MICAL2: variants seen among roughly 807,000 people sequenced by gnomAD.
MICAL2 encodes the protein microtubule associated monooxygenase, calponin and LIM domain containing 2.
Under a neutral mutation model 127.3 loss-of-function variants are expected in MICAL2, and 77 were observed. The ratio of observed to expected loss-of-function variants is 0.60; its 90% CI spans 0.50 to 0.73. The LOEUF (loss-of-function observed/expected upper bound fraction) is 0.73, where lower values mean the gene tolerates loss of function less well. Among genes scored for constraint, MICAL2 ranks in the 30% least tolerant of loss-of-function variants. MICAL2 has a pLI of 0.00. For missense variants in MICAL2, 1,351 were observed against 1,434.4 expected (o/e 0.94, Z 0.94); for synonymous variants, 570 against 551.1 (o/e 1.03, Z -0.48).
chr11:12,183,968 A>G (rs1857826181), intron 3 of MICAL2, among the ~76,000 whole-genome samples: 1 of 151,936 alleles, frequency 6.6e-6, no homozygotes, highest in Admixed American at 6.6e-5. Flanking sequence ...TTTTGCAGAG[A>G]TGGGTTTTGC....
At chr11:12,114,858 C>T (rs114903016) in intron 1 of MICAL2, among the ~76,000 whole-genome samples, 619 of 152,282 alleles carry the variant, frequency 4.1e-3, no homozygotes, top group African/African-American at 0.014. Flanking sequence ...GGTGGGGAGC[C>T]GAGACAGCTG....
Position 12,223,391 on chromosome 11 carries a change from C to T in MICAL2, c.1450-20C>T, listed in dbSNP as rs1402416530. ...ATTTGGGGGAAAACTGGTGGGCAAGCATGTCTCTCTTGCTCATAGGTGAAG... is the reference window on the plus strand; with the variant it reads ...ATTTGGGGGAAAACTGGTGGGCAAGTATGTCTCTCTTGCTCATAGGTGAAG... On this transcript the variant is annotated intron_variant, in intron 11 of 27. Transcript: ENST00000683283. 3 of 1,601,740 alleles carry T rather than the reference C, an allele frequency of 1.9e-6. No individual in the cohort carries two copies. In the East Asian group the frequency reaches 6.7e-5, roughly 36 times the overall value.
chr11:12,294,496 C>G (rs1429274029), downstream of MICAL2: 1 of 1,614,218 alleles, frequency 6.2e-7, no homozygotes, highest in South Asian at 1.1e-5. Flanking sequence ...CATCCAAGGT[C>G]TTTCCTGCAC....
upstream of MICAL2, among the ~76,000 whole-genome samples, chr11:12,271,331 C>G (rs10765934): frequency 0.61 from 93,228 of 152,082 alleles, 29,267 homozygotes; most frequent in African/African-American, 0.67. Flanking sequence ...TTCAGGCAAA[C>G]TCTTAAAGAG....
intron 3 of MICAL2, among the ~76,000 whole-genome samples, chr11:12,172,538 G>A (rs1856395375): frequency 6.6e-6 from 1 of 152,120 alleles, no homozygotes; most frequent in Admixed American, 6.5e-5. Context: ...GAAACAAGGT[G>A]GGAGACATCA....
chr11:12,125,066 G>T (rs989418517), intron 1 of MICAL2, among the ~76,000 whole-genome samples: 1 of 152,180 alleles, frequency 6.6e-6, no homozygotes, highest in Non-Finnish European at 1.5e-5. Flanking sequence ...AGCCACTGGG[G>T]CTTCCTGCGC....
downstream of MICAL2, among the ~76,000 whole-genome samples, chr11:12,287,866 A>C (rs937040116): frequency 2.0e-5 from 3 of 152,100 alleles, no homozygotes; most frequent in Non-Finnish European, 4.4e-5. Context: ...GAGACTCTTC[A>C]TCCAGTTCCA....
intron 2 of MICAL2, among the ~76,000 whole-genome samples, chr11:12,155,097 A>G (rs78488018): frequency 0.03 from 4,539 of 152,226 alleles, 121 homozygotes; most frequent in Middle Eastern, 0.041. Flanking sequence ...GGGCGGTGCA[A>G]GCTGAGGGCT....
downstream of MICAL2, among the ~76,000 whole-genome samples, chr11:12,264,766 G>A (rs992391461): frequency 6.6e-6 from 1 of 152,174 alleles, no homozygotes. Context: ...GTTAGGGACT[G>A]TAAGTCAGGT....
chr11:12,165,276 G>C (rs907474891), intron 3 of MICAL2, among the ~76,000 whole-genome samples: 3 of 152,212 alleles, frequency 2.0e-5, no homozygotes, highest in African/African-American at 7.2e-5. Flanking sequence ...ATGTGTGGGT[G>C]GTTAATGGCC....
In MICAL2 at chr11:12,110,674, G is replaced by A. The variant is rs1390891046; in HGVS notation, c.-201G>A. The A allele has an allele frequency of 6.6e-6, 1 of 151,514 alleles. No individual in the cohort carries two copies. Among genetic ancestry groups the A allele is most frequent in the Non-Finnish European group, 1.5e-5 (1 of 67,836 alleles). 9.4% of individuals were successfully genotyped at this position (151,514 alleles called of 1,614,324 possible). On this transcript the variant is annotated 5_prime_UTR_variant, in exon 1 of 28. Transcript: ENST00000683283. The surrounding 1 kb of genome is among the most constrained non-coding windows in gnomAD (Gnocchi z 4.5). ...CGCGGGGCCCGATCGCTGCGCCCGC[G>A]GCCAGGGCCGAGGCAGGCCTGACCC...
intron 2 of MICAL2, among the ~76,000 whole-genome samples, chr11:12,149,700 G>T (rs1277385447): frequency 6.6e-6 from 1 of 152,228 alleles, no homozygotes; most frequent in Non-Finnish European, 1.5e-5. Flanking sequence ...GGCTGCAGGA[G>T]AAGGAACAGG....
intron 8 of MICAL2, among the ~76,000 whole-genome samples, chr11:12,219,846 A>G (rs1182712116): frequency 6.6e-6 from 1 of 152,210 alleles, no homozygotes; most frequent in African/African-American, 2.4e-5. Flanking sequence ...CGCCCTGTTG[A>G]AATTCCTACG....
chr11:12,289,840 A>G (rs946322215), downstream of MICAL2, among the ~76,000 whole-genome samples: 5 of 152,114 alleles, frequency 3.3e-5, no homozygotes, highest in Non-Finnish European at 4.4e-5. Context: ...AAGTGCTCTG[A>G]TTACAGGTGT....
chr11:12,294,788 C>G (rs367805185), downstream of MICAL2: 13 of 1,600,042 alleles, frequency 8.1e-6, no homozygotes, highest in African/African-American at 1.4e-5. Context: ...CACCTCCCTG[C>G]GCCAGGCAGC....
At chr11:12,143,906 C>A (rs1479688525) in intron 2 of MICAL2, among the ~76,000 whole-genome samples, 1 of 152,006 alleles carries the variant, frequency 6.6e-6, no homozygotes, top group Non-Finnish European at 1.5e-5. Context: ...AATATCAGAT[C>A]ATTAGAGTGG....
At chr11:12,275,638 G>C (rs2134756903), upstream of MICAL2, among the ~76,000 whole-genome samples, 1 of 152,330 alleles carries the variant, frequency 6.6e-6, no homozygotes, top group South Asian at 2.1e-4. Context: ...GATGAGAACT[G>C]AGATGTTACC....
At chr11:12,152,242 A>C (rs1450798404) in intron 2 of MICAL2, among the ~76,000 whole-genome samples, 1 of 148,136 alleles carries the variant, frequency 6.8e-6, no homozygotes, top group Non-Finnish European at 1.5e-5. Flanking sequence ...AGGTTGCAGT[A>C]AGCCAAGATT....
chr11:12,273,869 G>A (rs1340494407), upstream of MICAL2, among the ~76,000 whole-genome samples: 4 of 152,114 alleles, frequency 2.6e-5, no homozygotes, highest in African/African-American at 9.7e-5. Flanking sequence ...TTAGAAACAA[G>A]GAGGTCACTG....
Sources: allele counts gnomAD v4.1 joint callset (sites outside exome capture counted in the v4.1 genomes callset), GRCh38; gene constraint gnomAD v4.1.1; non-coding constraint Gnocchi (gnomAD v3.1); transcripts MANE v1.5; gene names NCBI Gene and HGNC (gene_info 2026-07-23, HGNC 2026-07-21).